C5orf47: variants seen among roughly 807,000 people sequenced by gnomAD.
The protein encoded by C5orf47 is chromosome 5 open reading frame 47, also known as uncharacterized protein C5orf47.
In C5orf47, 20 loss-of-function variants were observed where a neutral mutation model predicts 20.6. That is an observed-to-expected ratio of 0.97 (90% CI 0.68 to 1.41). The LOEUF is 1.41. Ranked by LOEUF, C5orf47 falls within the 40% of genes most tolerant of loss-of-function variation. The probability of loss-of-function intolerance (pLI) is 0.00; values close to 1 mark genes in which losing one functional copy is unlikely to be tolerated. For missense variants in C5orf47, 262 were observed against 238.4 expected (o/e 1.10, Z -0.65); for synonymous variants, 106 against 97.3 (o/e 1.09, Z -0.53).
At chr5:174,006,431 T>G (rs971785128), downstream of C5orf47, among the ~76,000 whole-genome samples, 5 of 152,158 alleles carry the variant, frequency 3.3e-5, no homozygotes, top group Non-Finnish European at 5.9e-5. Flanking sequence ...AAAATATCAT[T>G]CAGCCATTTA....
intron 1 of C5orf47, among the ~76,000 whole-genome samples, chr5:173,992,612 C>G (rs1165980086): frequency 6.6e-6 from 1 of 152,128 alleles, no homozygotes; most frequent in Admixed American, 6.5e-5. Flanking sequence ...GAATTTTCTT[C>G]TAACCACTAC....
intron 4 of C5orf47, among the ~76,000 whole-genome samples, chr5:174,001,947 CTT>C (rs531174254): frequency 7.0e-6 from 1 of 143,538 alleles, no homozygotes; most frequent in South Asian, 2.2e-4. Flanking sequence ...TATCTTTTTT[CTT>C]TTTTTTTTCT....
At chr5:173,998,090 C>A in intron 1 of C5orf47, 63 bp from the exon 2 acceptor site, 1 of 949,240 alleles carries the variant, frequency 1.1e-6, no homozygotes, top group Non-Finnish European at 1.6e-6. Flanking sequence ...TTTATATGGT[C>A]TCTATTTTCA....
Position 174,004,520 on chromosome 5 carries a change from C to G in C5orf47, c.*266C>G, listed in dbSNP as rs1055648253. ...TCAGAATTAATGCTTATTCTACATA[C>G]TTTTAAATTAACCTCATACATAAAA... On this transcript the variant is annotated 3_prime_UTR_variant, in exon 5 of 5. Coordinates refer to ENST00000340147, the MANE Select transcript of C5orf47 (RefSeq NM_001144954.2). 2.0e-5 allele frequency: 3 copies of G among 152,200 alleles called. No individual in the cohort carries two copies. The highest frequency in any genetic ancestry group is 4.8e-5 in the African/African-American group (2 of 41,426). The allele number at this position is 152,200 out of a possible 1,614,324, so 9.4% of individuals were successfully genotyped here.
chr5:174,003,640 C>T (rs576642665), intron 4 of C5orf47, among the ~76,000 whole-genome samples: 9 of 152,134 alleles, frequency 5.9e-5, no homozygotes, highest in Admixed American at 5.2e-4. Flanking sequence ...TGAAGATGGA[C>T]AGAGGAGAGG....
chr5:173,998,731 T>C (rs894518905), intron 2 of C5orf47, among the ~76,000 whole-genome samples: 2 of 152,212 alleles, frequency 1.3e-5, no homozygotes, highest in Non-Finnish European at 2.9e-5. Flanking sequence ...TTGAGTGTTT[T>C]GAACATATTC....
downstream of C5orf47, among the ~76,000 whole-genome samples, chr5:174,007,322 C>T (rs989067107): frequency 1.3e-5 from 2 of 152,144 alleles, no homozygotes; most frequent in African/African-American, 4.8e-5. Flanking sequence ...CAAATTATTG[C>T]TACCATTAAA....
At position 173,998,144 on chromosome 5, in the gene C5orf47, A is replaced by C. The variant is rs763502007; in HGVS notation, c.326-9A>C. ...ATGTTGACCTTTTCACTTTCTTCTT[A>C]AAAATTAGGTTTAATCCAGAAGGAT... On this transcript the variant is annotated splice_polypyrimidine_tract_variant and intron_variant, in intron 1 of 4. Transcript: ENST00000340147. The C allele has an allele frequency of 1.3e-6, 2 of 1,485,668 alleles. No individual in the cohort carries two copies. The highest frequency in any genetic ancestry group is 1.8e-6 in the Non-Finnish European group (2 of 1,094,910). 92.0% of individuals were successfully genotyped at this position (1,485,668 alleles called of 1,614,324 possible).
At chr5:173,991,677 G>C (rs932407065) in intron 1 of C5orf47, among the ~76,000 whole-genome samples, 7 of 151,974 alleles carry the variant, frequency 4.6e-5, no homozygotes, top group East Asian at 1.9e-4. Flanking sequence ...CTTGGTTTTG[G>C]TGTGTAATTT....
chr5:173,989,405 G>C lies in C5orf47; in HGVS notation c.142G>C (p.Gly48Arg), dbSNP rs1489859043. The C allele has an allele frequency of 6.5e-7, 1 of 1,546,266 alleles. No individual in the cohort carries two copies. ...CCTTTGGGGTCAGGGGCCTGGGGCA[G>C]GCTGTCGCCAGGAGAAGCCGAGGGA... is the stretch of plus-strand genomic sequence containing the variant. ...QGLWGQGPGA[G>R]CRQEKPREAM... Residue 48 changes from glycine (G) to arginine (R), a missense_variant, in exon 1 of 5, where the codon GGC becomes CGC. Gly to Arg is a moderately radical substitution (Grantham distance 125). Transcript: ENST00000340147.
chr5:174,008,508 G>C (rs993131599), downstream of C5orf47, among the ~76,000 whole-genome samples: 1 of 152,188 alleles, frequency 6.6e-6, no homozygotes, highest in Non-Finnish European at 1.5e-5. Flanking sequence ...GGGTCATGCT[G>C]TCCACAGCAT....
At chr5:173,991,483 T>G (rs1212627304) in intron 1 of C5orf47, among the ~76,000 whole-genome samples, 1 of 151,470 alleles carries the variant, frequency 6.6e-6, no homozygotes, top group East Asian at 1.9e-4. Context: ...AAAGTATCCC[T>G]CCATACTTAT....
At chr5:173,990,125 A>AT (rs11292600) in intron 1 of C5orf47, among the ~76,000 whole-genome samples, 18,442 of 138,146 alleles carry the variant, frequency 0.13, 1,346 homozygotes, top group Non-Finnish European at 0.15. Flanking sequence ...TAGGAAGCCA[A>AT]TTTTTTTTTT....
At chr5:174,001,321 C>A in intron 4 of C5orf47, 90 bp downstream of exon 4, 1 of 720,504 alleles carries the variant, frequency 1.4e-6, no homozygotes, top group Non-Finnish European at 2.3e-6. Context: ...AGTGTATAAC[C>A]AATCATTGCT....
intron 1 of C5orf47, among the ~76,000 whole-genome samples, chr5:173,997,263 C>G (rs1180464355): frequency 2.0e-5 from 3 of 151,974 alleles, no homozygotes; most frequent in Non-Finnish European, 4.4e-5. Context: ...AGGGCAGGAA[C>G]AAGGTGGGGA....
chr5:174,003,010 A>G (rs1759226728), intron 4 of C5orf47, among the ~76,000 whole-genome samples: 1 of 152,176 alleles, frequency 6.6e-6, no homozygotes, highest in Non-Finnish European at 1.5e-5. Flanking sequence ...TACGTAATGT[A>G]ACTTCCCAAA....
intron 4 of C5orf47, among the ~76,000 whole-genome samples, chr5:174,002,105 TGC>T (rs1207125890): frequency 4.6e-5 from 7 of 151,832 alleles, no homozygotes; most frequent in Non-Finnish European, 1.0e-4. Flanking sequence ...ACTACAAGTA[TGC>T]ACCACCATGC....
At chr5:174,001,976 A>T in intron 4 of C5orf47, among the ~76,000 whole-genome samples, 1 of 147,370 alleles carries the variant, frequency 6.8e-6, no homozygotes, top group African/African-American at 2.5e-5. Context: ...TTTTAAAGAG[A>T]CAGGGTTTTA....
At position 173,989,438 on chromosome 5, in the gene C5orf47, G is replaced by T; in HGVS notation, c.175G>T (p.Ala59Ser). 1 of 1,549,678 alleles carries T rather than the reference G, an allele frequency of 6.5e-7. No homozygotes were observed. Among genetic ancestry groups the T allele is most frequent in the South Asian group, 1.2e-5 (1 of 83,678 alleles). ...CRQEKPREAM[A>S]VAGVQGGSEL... is the part of the protein sequence containing the mutation. ...CCAGGAGAAGCCGAGGGAAGCAATGGCGGTGGCGGGCGTTCAGGGTGGCAG... is the reference window on the plus strand; with the variant it reads ...CCAGGAGAAGCCGAGGGAAGCAATGTCGGTGGCGGGCGTTCAGGGTGGCAG... Residue 59 changes from alanine to serine, a missense_variant, in exon 1 of 5, where the codon GCG becomes TCG. By Grantham distance (99) the Ala-to-Ser change is moderately conservative. Transcript: ENST00000340147.
Sources: allele counts gnomAD v4.1 joint callset (sites outside exome capture counted in the v4.1 genomes callset), GRCh38; gene constraint gnomAD v4.1.1; transcripts MANE v1.5; gene names NCBI Gene and HGNC (gene_info 2026-07-23, HGNC 2026-07-21).